VPS13B: variants seen among roughly 807,000 people sequenced by gnomAD.
The protein encoded by VPS13B is intermembrane lipid transfer protein VPS13B.
A neutral mutation model predicts 426.4 loss-of-function variants in VPS13B; 285 were observed. That is an observed-to-expected ratio of 0.67 (90% confidence interval 0.61 to 0.74). The LOEUF (loss-of-function observed/expected upper bound fraction) is 0.74, where lower values mean the gene tolerates loss of function less well. VPS13B is among the 30% of genes least tolerant of loss of function. The pLI, the probability that VPS13B is intolerant of heterozygous loss-of-function variation, is 0.00. For synonymous variants in VPS13B, 1,676 were observed against 1,676.4 expected (o/e 1.00, Z 0.01); for missense variants, 4,537 against 4,782.6 (o/e 0.95, Z 1.51).
chr8:99,249,161 G>GT (rs36082386), intron 17 of VPS13B, among the ~76,000 whole-genome samples: 86,334 of 151,542 alleles, frequency 0.57, 26,337 homozygotes, highest in South Asian at 0.7. Flanking sequence ...TGACCTTTTG[G>GT]TTTTCGCCAC....
chr8:99,588,350 T>C (rs962104932), intron 33 of VPS13B, among the ~76,000 whole-genome samples: 1 of 151,748 alleles, frequency 6.6e-6, no homozygotes, highest in Non-Finnish European at 1.5e-5. Context: ...TCCAATTCTG[T>C]GAAGAAAGTC....
At chr8:99,420,274 C>G (rs965514950) in intron 21 of VPS13B, among the ~76,000 whole-genome samples, 1 of 152,080 alleles carries the variant, frequency 6.6e-6, no homozygotes, top group African/African-American at 2.4e-5. Context: ...CATTTGATAT[C>G]AAGTGTCAGT....
rs954584108 is a variant in VPS13B, at chr8:99,386,867, G to A, written c.2934+2550G>A. ...GCCTATAGTCCCAGCTACACTGGAG[G>A]CTAAAGCAGGAGGATTGTTTGTGCC... On this transcript the variant is annotated intron_variant, in intron 20 of 61. Coordinates refer to ENST00000357162, the MANE Select transcript of VPS13B (RefSeq NM_152564.5). 4.6e-5 allele frequency among the ~76,000 whole-genome samples: 7 copies of A among 152,134 alleles called. 1 individual carries two copies. Among genetic ancestry groups the A allele is most frequent in the Non-Finnish European group, 1.0e-4 (7 of 68,034 alleles).
chr8:99,835,401 G>A (rs1815336823), intron 53 of VPS13B, 77 bp downstream of exon 53: 2 of 1,518,564 alleles, frequency 1.3e-6, no homozygotes, highest in Non-Finnish European at 9.0e-7. Flanking sequence ...GTAGTTACCT[G>A]TGATCCTGTG....
intron 17 of VPS13B, among the ~76,000 whole-genome samples, chr8:99,237,323 T>G (rs1434740512): frequency 6.6e-6 from 1 of 152,232 alleles, no homozygotes; most frequent in Non-Finnish European, 1.5e-5. Flanking sequence ...TTGGATTACT[T>G]GATTAAAAAT....
At chr8:99,526,871 A>G (rs909482594) in intron 30 of VPS13B, among the ~76,000 whole-genome samples, 3 of 152,068 alleles carry the variant, frequency 2.0e-5, no homozygotes, top group Non-Finnish European at 4.4e-5. Context: ...TTGACTTATG[A>G]GGTCTTGTTT....
intron 23 of VPS13B, among the ~76,000 whole-genome samples, chr8:99,444,313 G>T (rs1817812974): frequency 1.3e-5 from 2 of 152,174 alleles, no homozygotes; most frequent in African/African-American, 4.8e-5. Context: ...TGGCCAGGCT[G>T]GTTTCAAACT....
intron 17 of VPS13B, among the ~76,000 whole-genome samples, chr8:99,273,746 T>C (rs1818737566): frequency 6.6e-6 from 1 of 151,858 alleles, no homozygotes. Context: ...TGAGCTGAGA[T>C]TGCACCACTG....
chr8:99,604,654 T>C (rs1827489302), intron 33 of VPS13B, among the ~76,000 whole-genome samples: 1 of 151,838 alleles, frequency 6.6e-6, no homozygotes, highest in Non-Finnish European at 1.5e-5. Context: ...CGCCTGCCAC[T>C]GCGCCCGGCT....
At chr8:99,696,423 C>T in intron 35 of VPS13B, 1 of 347,922 alleles carries the variant, frequency 2.9e-6, no homozygotes, top group South Asian at 2.5e-5. Context: ...ACATCCTTGA[C>T]AGCCACACCC....
intron 3 of VPS13B, among the ~76,000 whole-genome samples, chr8:99,087,454 A>AC (rs1230450365): frequency 3.0e-4 from 46 of 151,994 alleles, no homozygotes; most frequent in African/African-American, 1.1e-3. Flanking sequence ...GGTACGCTGC[A>AC]CCCACTGTCC....
intron 58 of VPS13B, among the ~76,000 whole-genome samples, chr8:99,863,264 C>T (rs939033175): frequency 6.6e-6 from 1 of 152,032 alleles, no homozygotes; most frequent in Admixed American, 6.5e-5. Flanking sequence ...GCCTGGTTTC[C>T]AAGAGTGCCT....
intron 2 of VPS13B, among the ~76,000 whole-genome samples, chr8:99,031,789 G>A (rs1377757713): frequency 1.3e-5 from 2 of 152,204 alleles, no homozygotes; most frequent in Non-Finnish European, 2.9e-5. Context: ...AGAAATGGCT[G>A]CTATTTCTCA....
chr8:99,194,237 C>T (rs780797553), intron 17 of VPS13B, among the ~76,000 whole-genome samples: 3 of 152,114 alleles, frequency 2.0e-5, no homozygotes, highest in East Asian at 1.9e-4. Flanking sequence ...GTTCTTCACT[C>T]GGAGCTTATG....
chr8:99,569,200 C>G (rs140959739), intron 31 of VPS13B, among the ~76,000 whole-genome samples: 1 of 152,164 alleles, frequency 6.6e-6, no homozygotes, highest in Non-Finnish European at 1.5e-5. Context: ...CTAAGAAAAT[C>G]TTTATGTTGC....
chr8:99,154,226 G>A (rs988655650), intron 14 of VPS13B, among the ~76,000 whole-genome samples: 1 of 150,448 alleles, frequency 6.6e-6, no homozygotes, highest in African/African-American at 2.5e-5. Context: ...TTTGGTGTCT[G>A]ACATTAATTT....
At chr8:99,685,289 G>A (rs974489569) in intron 35 of VPS13B, among the ~76,000 whole-genome samples, 5 of 152,232 alleles carry the variant, frequency 3.3e-5, no homozygotes, top group African/African-American at 1.2e-4. Context: ...TACGACAAAT[G>A]TAGCAACACA....
intron 34 of VPS13B, among the ~76,000 whole-genome samples, chr8:99,660,364 G>A (rs548000457): frequency 6.6e-6 from 1 of 152,162 alleles, no homozygotes; most frequent in South Asian, 2.1e-4. Flanking sequence ...ATTCTTGAAA[G>A]CAATCCAATC....
intron 19 of VPS13B, among the ~76,000 whole-genome samples, chr8:99,332,144 C>T (rs780524218): frequency 1.4e-5 from 2 of 147,962 alleles, no homozygotes; most frequent in African/African-American, 2.4e-5. Context: ...AGAAATTTGG[C>T]CAGTCTTATG....
Sources: gnomAD v4.1 joint callset for allele counts (sites outside exome capture counted in the v4.1 genomes callset) on GRCh38, gnomAD v4.1.1 for gene constraint, MANE v1.5 for transcripts, NCBI Gene and HGNC (gene_info 2026-07-23, HGNC 2026-07-21) for gene names.